Variants in HNRNPUL1 observed in about 807,000 individuals in gnomAD.
HNRNPUL1 encodes heterogeneous nuclear ribonucleoprotein U-like protein 1.
HNRNPUL1 carries 14 observed loss-of-function variants against 108.5 expected under a neutral mutation model. That is an observed-to-expected ratio of 0.13 (90% CI 0.09 to 0.20). HNRNPUL1 has a LOEUF of 0.20. Ranked by LOEUF, HNRNPUL1 falls within the 10% of genes least tolerant of loss-of-function variation. The pLI is 1.00. For missense variants in HNRNPUL1, 804 were observed against 1,168.3 expected, an observed-to-expected ratio of 0.69 and a Z score of 4.55; for synonymous variants, 422 against 445.2, an observed-to-expected ratio of 0.95 and a Z score of 0.66.
chr19:41,281,749 A>G (rs1384817586), intron 7 of HNRNPUL1, among the ~76,000 whole-genome samples: 1 of 152,214 alleles, frequency 6.6e-6, no homozygotes, highest in Admixed American at 6.5e-5. Context: ...GAGATGATGC[A>G]AAACAGAACA....
rs933099934 is a variant in HNRNPUL1, at chr19:41,266,916, T to C, written c.296-1307T>C. Among the ~76,000 whole-genome samples the C allele has an allele frequency of 4.6e-5, 7 of 152,254 alleles. No homozygotes were observed. In the South Asian group the frequency reaches 1.5e-3, roughly 32 times the overall value. ...GTGAAGAAAGGAGTGGGCCTGTGTG[T>C]GTGTCTAGAGCAGGAGGGATCGTGG... On this transcript the variant is annotated intron_variant, in intron 1 of 14. Transcript: ENST00000392006.
chr19:41,273,764 G>T (rs1435031605), intron 3 of HNRNPUL1, among the ~76,000 whole-genome samples: 1 of 152,162 alleles, frequency 6.6e-6, no homozygotes, highest in Admixed American at 6.5e-5. Context: ...AGCAGAGCAT[G>T]CCTTCTTCAA....
At chr19:41,284,526 C>T (rs2036093935) in intron 7 of HNRNPUL1, among the ~76,000 whole-genome samples, 1 of 151,860 alleles carries the variant, frequency 6.6e-6, no homozygotes, top group African/African-American at 2.4e-5. Flanking sequence ...TAAAAATTAA[C>T]TGGGTTGGTG....
chr19:41,291,921 C>T lies in HNRNPUL1; in HGVS notation c.1000-324C>T, dbSNP rs115318300. ...GCTTGAACCTGGAAGTTTGAGGTTG[C>T]GGTGAGCCCTAGCTGTGCCACTGCA... On this transcript the variant is annotated intron_variant, in intron 7 of 14. Coordinates refer to ENST00000392006, the MANE Select transcript of HNRNPUL1 (RefSeq NM_007040.6). 4.0e-4 allele frequency: 100 copies of T among 250,564 alleles called. No homozygotes were observed. In the Middle Eastern group the frequency reaches 5.3e-3, roughly 13 times the overall value. The allele number at this position is 250,564 out of a possible 1,614,324, so 15.5% of individuals were successfully genotyped here.
rs1332228478 is a variant in HNRNPUL1 at position 41,286,449 on chromosome 19, A to AT, written c.999+5178dup. The AT allele has an allele frequency of 2.0e-5, 3 of 151,744 alleles. No homozygotes were observed. In the East Asian group the frequency reaches 5.8e-4, roughly 29 times the overall value. The allele number at this position is 151,744 out of a possible 1,614,324, so 9.4% of individuals were successfully genotyped here. On this transcript the variant is annotated intron_variant, in intron 7 of 14. Coordinates refer to ENST00000392006, the MANE Select transcript of HNRNPUL1 (RefSeq NM_007040.6). ...AATAAATGAGACAGGGTCTTGCTGC[A>AT]TTTTCACAGGCGGTGATCCCTCTTC...
At chr19:41,296,191 A>G (rs1415636527) in intron 10 of HNRNPUL1, among the ~76,000 whole-genome samples, 1 of 152,192 alleles carries the variant, frequency 6.6e-6, no homozygotes, top group African/African-American at 2.4e-5. Context: ...TATGTGGCCT[A>G]GGGGAGAATG....
At chr19:41,300,229 C>T (rs957054516) in intron 10 of HNRNPUL1, among the ~76,000 whole-genome samples, 1 of 152,060 alleles carries the variant, frequency 6.6e-6, no homozygotes, top group African/African-American at 2.4e-5. Context: ...ACAGATGAGG[C>T]AACTATAAGG....
At chr19:41,269,480 G>GAAAAA (rs35932282) in intron 2 of HNRNPUL1, among the ~76,000 whole-genome samples, 1 of 48,152 alleles carries the variant, frequency 2.1e-5, no homozygotes, top group African/African-American at 8.1e-5. Flanking sequence ...ACCCTGTCAC[G>GAAAAA]AAAAAAAAAA....
At chr19:41,281,122 C>T (rs2122644712) in intron 6 of HNRNPUL1, 41 bp from the exon 7 acceptor site, 2 of 1,277,996 alleles carry the variant, frequency 1.6e-6, no homozygotes, top group African/African-American at 1.5e-5. Context: ...CTGTTATGAC[C>T]ATCGCAGGTT....
At chr19:41,291,927 G>C (rs969572483) in intron 7 of HNRNPUL1, 14 of 313,980 alleles carry the variant, frequency 4.5e-5, no homozygotes, top group African/African-American at 2.8e-4. Flanking sequence ...GTTGCGGTGA[G>C]CCCTAGCTGT....
Position 41,264,666 on chromosome 19 carries a change from G to C in HNRNPUL1, c.163G>C (p.Gly55Arg). Residue 55 changes from glycine (G) to arginine (R), a missense_variant, in exon 1 of 15, where the codon GGG (glycine) becomes CGG (arginine). By Grantham distance (125) the Gly-to-Arg change is moderately radical (BLOSUM62 -2). Around this residue, in one of 4 missense-constraint regions of HNRNPUL1, gnomAD observed 256 missense variants for 261.6 expected, o/e 0.98. Coordinates refer to ENST00000392006, the MANE Select transcript of HNRNPUL1 (RefSeq NM_007040.6). ...ERELDADDEP[G>R]RPGHINEEVE... is the part of the protein sequence containing the mutation. ...GGAGCTCGACGCCGACGACGAACCG[G>C]GGCGACCCGGGCACATCAACGAGGA... 6.3e-7 allele frequency: 1 copy of C among 1,580,950 alleles called. No individual in the cohort carries two copies. The highest frequency in any genetic ancestry group is 8.5e-7 in the Non-Finnish European group (1 of 1,170,626).
At chr19:41,293,726 G>T (rs185108740) in intron 8 of HNRNPUL1, among the ~76,000 whole-genome samples, 28 of 152,318 alleles carry the variant, frequency 1.8e-4, no homozygotes, top group Admixed American at 7.8e-4. Flanking sequence ...GCTGGGTTTG[G>T]TGGCAAATGC....
Position 41,306,500 on chromosome 19 carries a change from T to TACTACGGGAACTACG in HNRNPUL1, c.2516_2530dup (p.Asn839_Gly843dup). The TACTACGGGAACTACG allele has an allele frequency of 6.2e-7, 1 of 1,606,354 alleles. No individual in the cohort carries two copies. Among genetic ancestry groups the TACTACGGGAACTACG allele is most frequent in the East Asian group, 2.3e-5 (1 of 43,818 alleles). On this transcript the variant is annotated inframe_insertion, in exon 15 of 15. Coordinates refer to ENST00000392006, the MANE Select transcript of HNRNPUL1 (RefSeq NM_007040.6). ...TCAGAACCAGGGCCAGTGGCCGCCATACTACGGGAACTACGACTACGGGAG... is the reference window on the plus strand; with the variant it reads ...TCAGAACCAGGGCCAGTGGCCGCCATACTACGGGAACTACGACTACGGGAACTACGACTACGGGAG...
chr19:41,285,248 A>T (rs1162801565), intron 7 of HNRNPUL1, among the ~76,000 whole-genome samples: 1 of 152,160 alleles, frequency 6.6e-6, no homozygotes, highest in East Asian at 1.9e-4. Context: ...AAGAGAAGGG[A>T]TATCTGCCTG....
intron 7 of HNRNPUL1, chr19:41,286,507 T>A (rs571054863): frequency 1.3e-5 from 2 of 152,216 alleles, no homozygotes; most frequent in Non-Finnish European, 2.9e-5. Flanking sequence ...TTGCTTTGTT[T>A]CCTACCTTGG....
In HNRNPUL1 at chr19:41,296,778, A is replaced by G. The variant is rs796233494; in HGVS notation, c.1518+2092A>G. Among the ~76,000 whole-genome samples, 3 of 152,330 alleles carry G rather than the reference A, an allele frequency of 2.0e-5. 1 individual carries two copies. Among genetic ancestry groups the G allele is most frequent in the African/African-American group, 7.2e-5 (3 of 41,572 alleles). ...GGCTAGGTGGAATTTCCAAAGGGGA[A>G]ACCCATACTACAGGCAAAATCCCTG... On this transcript the variant is annotated intron_variant, in intron 10 of 14. Transcript: ENST00000392006.
At chr19:41,301,091 T>C (rs1188222902) in intron 10 of HNRNPUL1, among the ~76,000 whole-genome samples, 1 of 152,182 alleles carries the variant, frequency 6.6e-6, no homozygotes, top group African/African-American at 2.4e-5. Context: ...AAAAATCACA[T>C]AGATATTTCT....
rs1369816483 is a variant in HNRNPUL1 at position 41,292,465 on chromosome 19, A to C, written c.1220A>C (p.Glu407Ala). 2.5e-6 allele frequency: 4 copies of C among 1,613,670 alleles called. No individual in the cohort carries two copies. Among genetic ancestry groups the C allele is most frequent in the Non-Finnish European group, 1.7e-6 (2 of 1,179,766 alleles). ...TTCATCCAGCACCTTCCCCTTAGTG[A>C]GCGTATCCGGGGCACCGTTGGACCA... Reference protein sequence around the residue: ...FTFIQHLPLSERIRGTVGPKS... With the variant: ...FTFIQHLPLSARIRGTVGPKS... Residue 407 changes from glutamate to alanine, a missense_variant, in exon 8 of 15, where the codon GAG becomes GCG. Coordinates refer to ENST00000392006, the MANE Select transcript of HNRNPUL1 (RefSeq NM_007040.6). The surrounding 1 kb of genome is among the most constrained non-coding windows in gnomAD (Gnocchi z 4.1).
At chr19:41,285,144 A>G (rs951141472) in intron 7 of HNRNPUL1, among the ~76,000 whole-genome samples, 2 of 152,216 alleles carry the variant, frequency 1.3e-5, no homozygotes, top group Non-Finnish European at 2.9e-5. Flanking sequence ...TAACTTTAGA[A>G]AGAGGTTTGG....
Sources: gnomAD v4.1 joint callset for allele counts (sites outside exome capture counted in the v4.1 genomes callset) on GRCh38, gnomAD v4.1.1 for gene constraint, gnomAD v4.1.1 regional missense constraint, Gnocchi (gnomAD v3.1) non-coding constraint, MANE v1.5 for transcripts, NCBI Gene and HGNC (gene_info 2026-07-23, HGNC 2026-07-21) for gene names.